Variants in GMPS observed in about 807,000 individuals in gnomAD.
GMPS encodes GMP synthase [glutamine-hydrolyzing].
GMPS carries 15 observed loss-of-function variants against 77.9 expected under a neutral mutation model. The observed-to-expected ratio is 0.19, with a 90% CI of 0.13 to 0.30. GMPS has a LOEUF of 0.30. Among genes scored for constraint, GMPS ranks in the 10% least tolerant of loss-of-function variants. GMPS has a pLI of 1.00. For missense variants in GMPS, 590 were observed against 838.8 expected (o/e 0.70, Z 3.66); for synonymous variants, 224 against 275.9 (o/e 0.81, Z 1.86).
rs556646455 is a variant in GMPS at position 155,910,171 on chromosome 3, G to A, written c.527-521G>A. On this transcript the variant is annotated intron_variant, in intron 5 of 15. Coordinates refer to ENST00000496455, the MANE Select transcript of GMPS (RefSeq NM_003875.3). ...TGAGGCAGAAGAATAGTTTGGACAT[G>A]GAAGGCAGAGGTGACAAGTGAGCCA... is the stretch of plus-strand genomic sequence containing the variant. 3.9e-5 allele frequency among the ~76,000 whole-genome samples: 6 copies of A among 152,044 alleles called. No homozygotes were observed. The East Asian group carries it at 1.2e-3, about 29-fold the overall frequency.
Position 155,940,477 on chromosome 3 carries a change from A to G in GMPS, c.*2785A>G. Reference sequence around the variant, plus strand: ...ATTTGTTTCCTCACTGTTTGGGCTTAACCTCCTGATAGCCTGTTTTACTGA... The same window carrying G: ...ATTTGTTTCCTCACTGTTTGGGCTTGACCTCCTGATAGCCTGTTTTACTGA... On this transcript the variant is annotated 3_prime_UTR_variant, in exon 16 of 16. Coordinates refer to ENST00000496455, the MANE Select transcript of GMPS (RefSeq NM_003875.3). The G allele has an allele frequency of 4.7e-6, 1 of 213,396 alleles. No homozygotes were observed. Among genetic ancestry groups the G allele is most frequent in the African/African-American group, 2.3e-5 (1 of 44,410 alleles). 13.2% of individuals were successfully genotyped at this position (213,396 alleles called of 1,614,324 possible).
At chr3:155,880,325 G>T (rs1164332045) in intron 1 of GMPS, among the ~76,000 whole-genome samples, 1 of 152,040 alleles carries the variant, frequency 6.6e-6, no homozygotes, top group African/African-American at 2.4e-5. Context: ...GATGATTGTT[G>T]GCCTTGTTAT....
chr3:155,943,852 A>G lies in GMPS; in HGVS notation c.*6160A>G, dbSNP rs952782775. ...ATTGCATATAGTGTCAAGGGTTTCTATATAACAACTTAATTTATTTCCCTT... is the reference window on the plus strand; with the variant it reads ...ATTGCATATAGTGTCAAGGGTTTCTGTATAACAACTTAATTTATTTCCCTT... On this transcript the variant is annotated 3_prime_UTR_variant, in exon 16 of 16. Transcript: ENST00000496455. 6.5e-6 allele frequency: 1 copy of G among 153,884 alleles called. No individual in the cohort carries two copies. Among genetic ancestry groups the G allele is most frequent in the African/African-American group, 2.4e-5 (1 of 41,534 alleles). 9.5% of individuals were successfully genotyped at this position (153,884 alleles called of 1,614,324 possible). A position where few individuals can be genotyped will look rare whatever the true frequency, so the allele number is the denominator to read the frequency against.
intron 12 of GMPS, among the ~76,000 whole-genome samples, chr3:155,926,115 G>T (rs80181657): frequency 6.6e-6 from 1 of 152,082 alleles, no homozygotes; most frequent in Non-Finnish European, 1.5e-5. Context: ...GGGTTCAAGC[G>T]ACCCTACTAC....
intron 11 of GMPS, among the ~76,000 whole-genome samples, chr3:155,924,632 G>A (rs181101268): frequency 4.6e-5 from 7 of 152,294 alleles, no homozygotes; most frequent in Admixed American, 3.3e-4. Flanking sequence ...AAAGGAGTAA[G>A]AGTAAAAAAT....
Position 155,906,406 on chromosome 3 carries a change from A to C in GMPS, c.526+143A>C, listed in dbSNP as rs1291329038. 7.6e-6 allele frequency: 4 copies of C among 529,422 alleles called. No individual in the cohort carries two copies. In the South Asian group the frequency reaches 1.2e-4, roughly 16 times the overall value. The allele number at this position is 529,422 out of a possible 1,614,324, so 32.8% of individuals were successfully genotyped here. The stretch of plus-strand genomic sequence containing the variant: ...TTTTTTTAAAGATAATAATGAATGT[A>C]GGATTAACTGTTATGAAGGGAATTT... On this transcript the variant is annotated intron_variant, in intron 5 of 15. Coordinates refer to ENST00000496455, the MANE Select transcript of GMPS (RefSeq NM_003875.3).
intron 2 of GMPS, among the ~76,000 whole-genome samples, chr3:155,896,013 T>C (rs1754592373): frequency 6.6e-6 from 1 of 151,834 alleles, no homozygotes; most frequent in Admixed American, 6.6e-5. Flanking sequence ...GTTTTTGTTT[T>C]TGTTTTTTTT....
At chr3:155,878,591 G>A (rs1482987677) in intron 1 of GMPS, among the ~76,000 whole-genome samples, 1 of 152,170 alleles carries the variant, frequency 6.6e-6, no homozygotes, top group Admixed American at 6.5e-5. Flanking sequence ...TTCCAAAGCA[G>A]CTGCAACATT....
At chr3:155,889,970 C>G (rs1754424240) in intron 1 of GMPS, among the ~76,000 whole-genome samples, 1 of 152,034 alleles carries the variant, frequency 6.6e-6, no homozygotes, top group African/African-American at 2.4e-5. Context: ...GACTAAGTTT[C>G]TTTTTTCTCA....
chr3:155,906,795 T>C (rs1460611898), intron 5 of GMPS, among the ~76,000 whole-genome samples: 2 of 152,196 alleles, frequency 1.3e-5, no homozygotes, highest in African/African-American at 4.8e-5. Context: ...ATACAGGGAC[T>C]GTGTATGTTG....
chr3:155,898,551 A>T (rs1754656029), intron 3 of GMPS, among the ~76,000 whole-genome samples: 1 of 152,204 alleles, frequency 6.6e-6, no homozygotes, highest in Non-Finnish European at 1.5e-5. Context: ...AATATCCCTT[A>T]TAGGCCACAG....
intron 15 of GMPS, 97 bp from the exon 16 acceptor site, chr3:155,937,494 A>T: frequency 1.5e-6 from 1 of 659,872 alleles, no homozygotes; most frequent in South Asian, 1.9e-5. Context: ...CAATAGTGAA[A>T]ATAGTCAAAT....
At chr3:155,910,000 T>G (rs1170405237) in intron 5 of GMPS, among the ~76,000 whole-genome samples, 2 of 151,490 alleles carry the variant, frequency 1.3e-5, no homozygotes, top group African/African-American at 4.9e-5. Context: ...ATCCCAGCAC[T>G]TTGGGAGGCT....
intron 1 of GMPS, among the ~76,000 whole-genome samples, chr3:155,877,363 A>G (rs1366251303): frequency 6.6e-6 from 1 of 152,164 alleles, no homozygotes; most frequent in Non-Finnish European, 1.5e-5. Flanking sequence ...AAATTTTTAT[A>G]ACAGCTTTAT....
intron 4 of GMPS, among the ~76,000 whole-genome samples, chr3:155,905,722 A>C (rs895982994): frequency 2.6e-5 from 4 of 152,232 alleles, no homozygotes; most frequent in African/African-American, 7.2e-5. Flanking sequence ...CTGTATCTAT[A>C]TTGTACTTAC....
chr3:155,914,473 A>G lies in GMPS; in HGVS notation c.941A>G (p.Asp314Gly), dbSNP rs377527627. The G allele has an allele frequency of 6.2e-6, 10 of 1,603,868 alleles. No homozygotes were observed. The highest frequency in any genetic ancestry group is 8.5e-6 in the Non-Finnish European group (10 of 1,176,098). The change falls in exon 8 of 16, where the codon GAT (aspartate) becomes GGT (glycine). Residue 314 changes from aspartate to glycine, a missense_variant. This residue lies in a region of GMPS where 181 missense variants were observed against 186.8 expected (regional missense o/e 0.97). Transcript: ENST00000496455. ...GGAACAACAACCCTACCAATATCAG[A>G]TGAAGATAGAACCCCACGGAAAAGA... ...YNGTTTLPIS[D>G]EDRTPRKRIS...
chr3:155,878,249 G>A (rs1754107102), intron 1 of GMPS, among the ~76,000 whole-genome samples: 1 of 152,188 alleles, frequency 6.6e-6, no homozygotes, highest in African/African-American at 2.4e-5. Flanking sequence ...TGGACATTTT[G>A]TGACTAGAAT....
rs758599574 is a variant in GMPS, at chr3:155,938,528, G to T, written c.*836G>T. The T allele has an allele frequency of 1.4e-4, 30 of 207,878 alleles. No individual in the cohort carries two copies. The highest frequency in any genetic ancestry group is 2.6e-4 in the Non-Finnish European group (26 of 101,942). 12.9% of individuals were successfully genotyped at this position (207,878 alleles called of 1,614,324 possible). A position where few individuals can be genotyped will look rare whatever the true frequency, so the allele number is the denominator to read the frequency against. On this transcript the variant is annotated 3_prime_UTR_variant, in exon 16 of 16. Transcript: ENST00000496455. Reference sequence around the variant, plus strand: ...TGACGTTTCTGGTGTAGTGCAGATAGAGGTCAAGAGGAGCATTTTCATCTC... The same window carrying T: ...TGACGTTTCTGGTGTAGTGCAGATATAGGTCAAGAGGAGCATTTTCATCTC...
intron 3 of GMPS, among the ~76,000 whole-genome samples, chr3:155,901,311 T>C (rs1754731954): frequency 6.6e-6 from 1 of 152,210 alleles, no homozygotes; most frequent in African/African-American, 2.4e-5. Flanking sequence ...ACTTTGGTTT[T>C]GAGATTCATT....
Sources: allele counts gnomAD v4.1 joint callset (sites outside exome capture counted in the v4.1 genomes callset), GRCh38; gene constraint gnomAD v4.1.1; regional missense constraint gnomAD v4.1.1; transcripts MANE v1.5; gene names NCBI Gene and HGNC (gene_info 2026-07-23, HGNC 2026-07-21).